KLF4: variants seen among roughly 807,000 people sequenced by gnomAD.
KLF4 encodes Krueppel-like factor 4.
In KLF4, 14 loss-of-function variants were observed where a neutral mutation model predicts 38.0. That is an observed-to-expected ratio of 0.37 (90% CI 0.24 to 0.58). The LOEUF is 0.58. KLF4 is among the 20% of genes least tolerant of loss of function. The pLI, the probability that KLF4 is intolerant of heterozygous loss-of-function variation, is 0.76. For missense variants in KLF4, 737 were observed against 670.1 expected (o/e 1.10, Z -1.10); for synonymous variants, 398 against 302.5 (o/e 1.32, Z -3.28).
chr9:107,486,787 T>TCC (rs2133186762), intron 4 of KLF4, among the ~76,000 whole-genome samples: 1 of 152,122 alleles, frequency 6.6e-6, no homozygotes, highest in South Asian at 2.1e-4. Flanking sequence ...ACAGATACCA[T>TCC]CCATCAAGCA....
chr9:107,486,375 C>T (rs1440925097), intron 4 of KLF4, among the ~76,000 whole-genome samples: 1 of 151,918 alleles, frequency 6.6e-6, no homozygotes, highest in Non-Finnish European at 1.5e-5. Flanking sequence ...TTACTGAATG[C>T]TGCACCTAAA....
In KLF4 at chr9:107,489,149, C is replaced by T. The variant is rs572896592; in HGVS notation, c.5+19G>A. ...GGTCCTCACCCCTCCCTGCTCCCAGCGCCGCGCGCCTCACCTACCTCATTA... is the reference window on the plus strand; with the variant it reads ...GGTCCTCACCCCTCCCTGCTCCCAGTGCCGCGCGCCTCACCTACCTCATTA... On this transcript the variant is annotated intron_variant, in intron 1 of 4. Coordinates refer to ENST00000374672, the MANE Select transcript of KLF4 (RefSeq NM_004235.6). 6 of 1,533,786 alleles carry T rather than the reference C, an allele frequency of 3.9e-6. No homozygotes were observed. The Admixed American group carries it at 1.0e-4, about 26-fold the overall frequency.
chr9:107,487,218 C>T lies in KLF4; in HGVS notation c.1100-26G>A, dbSNP rs1388280942. Reference sequence around the variant, plus strand: ...CTAGGGGTGAAGAAGGTGGGGTGAGCATCATCCCGTGTGTCCCGAAGTGGG... The same window carrying T: ...CTAGGGGTGAAGAAGGTGGGGTGAGTATCATCCCGTGTGTCCCGAAGTGGG... On this transcript the variant is annotated intron_variant, in intron 3 of 4. Transcript: ENST00000374672. This position sits in a 1 kb window ranked among gnomAD's most constrained non-coding sequence, Gnocchi z 6.1. 1.2e-6 allele frequency: 2 copies of T among 1,611,266 alleles called. No individual in the cohort carries two copies. The highest frequency in any genetic ancestry group is 2.2e-5 in the South Asian group (2 of 90,614).
Position 107,487,435 on chromosome 9 carries a change from C to G in KLF4, c.959G>C (p.Gly320Ala), listed in dbSNP as rs1251157964. Reference protein sequence around the residue: ...QLPSRTTPTLGLEEVLSSRDC... With the variant: ...QLPSRTTPTLALEEVLSSRDC... ...CCTGCTGCTCAGCACTTCCTCAAGA[C>G]CCAGGGTCGGGGTAGTCCTGCTGGG... is the stretch of plus-strand genomic sequence containing the variant. Residue 320 changes from glycine (G) to alanine (A), a missense_variant, in exon 3 of 5, where the codon GGT (glycine) becomes GCT (alanine). By Grantham distance (60) the Gly-to-Ala change is moderately conservative. This residue lies in a region of KLF4 where 695 missense variants were observed against 554.5 expected (regional missense o/e 1.25). Transcript: ENST00000374672. This position sits in a 1 kb window ranked among gnomAD's most constrained non-coding sequence, Gnocchi z 6.1. 2 of 1,521,858 alleles carry G rather than the reference C, an allele frequency of 1.3e-6. No individual in the cohort carries two copies. The highest frequency in any genetic ancestry group is 1.8e-6 in the Non-Finnish European group (2 of 1,136,912). 94.3% of individuals were successfully genotyped at this position (1,521,858 alleles called of 1,614,324 possible).
In KLF4 at chr9:107,487,932, G is replaced by A. The variant is rs775312508; in HGVS notation, c.462C>T (p.Ile154=). The A allele has an allele frequency of 1.9e-6, 3 of 1,579,278 alleles. No individual in the cohort carries two copies. The highest frequency in any genetic ancestry group is 2.6e-6 in the Non-Finnish European group (3 of 1,163,250). ...CCACGCCCGGGTCGTTCCCGGCCCG[G>A]ATCGGATAGGTGAAGCTGCAGGTGG... ...APSTCSFTYP[I]RAGNDPGVAP... is the part of the protein sequence containing the mutation. Residue 154 remains isoleucine (I), a synonymous_variant, in exon 3 of 5, where the codon ATC becomes ATT. Coordinates refer to ENST00000374672, the MANE Select transcript of KLF4 (RefSeq NM_004235.6). This position sits in a 1 kb window ranked among gnomAD's most constrained non-coding sequence, Gnocchi z 6.1.
In KLF4 at chr9:107,487,446, G is replaced by C. The variant is rs776656478; in HGVS notation, c.948C>G (p.Thr316=). Residue 316 remains threonine, a synonymous_variant, in exon 3 of 5, where the codon ACC becomes ACG. Coordinates refer to ENST00000374672, the MANE Select transcript of KLF4 (RefSeq NM_004235.6). The surrounding 1 kb of genome is among the most constrained non-coding windows in gnomAD (Gnocchi z 6.1). ...GCACTTCCTCAAGACCCAGGGTCGG[G>C]GTAGTCCTGCTGGGGAGCTGCCGCC... ...PLGRQLPSRT[T]PTLGLEEVLS... 6.5e-7 allele frequency: 1 copy of C among 1,530,266 alleles called. No individual in the cohort carries two copies. The highest frequency in any genetic ancestry group is 8.8e-7 in the Non-Finnish European group (1 of 1,140,984). The allele number at this position is 1,530,266 out of a possible 1,614,324, so 94.8% of individuals were successfully genotyped here. A position where few individuals can be genotyped will look rare whatever the true frequency, so the allele number is the denominator to read the frequency against.
chr9:107,488,365 G>T lies in KLF4; in HGVS notation c.127-98C>A. 1 of 1,444,742 alleles carries T rather than the reference G, an allele frequency of 6.9e-7. No homozygotes were observed. The highest frequency in any genetic ancestry group is 1.5e-5 in the South Asian group (1 of 68,342). The allele number at this position is 1,444,742 out of a possible 1,614,324, so 89.5% of individuals were successfully genotyped here. On this transcript the variant is annotated intron_variant, in intron 2 of 4. Coordinates refer to ENST00000374672, the MANE Select transcript of KLF4 (RefSeq NM_004235.6). This position sits in a 1 kb window ranked among gnomAD's most constrained non-coding sequence, Gnocchi z 5.7. ...GGGCCACGCGCGACTGCACCGCCCAGACATGGGGACTGGTCAGGCAGGAAG... is the reference window on the plus strand; with the variant it reads ...GGGCCACGCGCGACTGCACCGCCCATACATGGGGACTGGTCAGGCAGGAAG...
rs1829148143 is a variant in KLF4 at position 107,489,254 on chromosome 9, A to C, written c.-82T>G. On this transcript the variant is annotated 5_prime_UTR_variant, in exon 1 of 5. Transcript: ENST00000374672. Reference sequence around the variant, plus strand: ...CCAAAGTCAACGAAGAGAAGAAACGAAGCCAAAACCCAAAACCCCAAATTG... The same window carrying C: ...CCAAAGTCAACGAAGAGAAGAAACGCAGCCAAAACCCAAAACCCCAAATTG... The C allele has an allele frequency of 1.4e-6, 2 of 1,422,794 alleles. No individual in the cohort carries two copies. Among genetic ancestry groups the C allele is most frequent in the Admixed American group, 6.0e-5 (2 of 33,128 alleles). 88.1% of individuals were successfully genotyped at this position (1,422,794 alleles called of 1,614,324 possible). A position where few individuals can be genotyped will look rare whatever the true frequency, so the allele number is the denominator to read the frequency against.
In KLF4 at chr9:107,488,815, G is replaced by A. The variant is rs909303951; in HGVS notation, c.126+115C>T. 5 of 1,383,202 alleles carry A rather than the reference G, an allele frequency of 3.6e-6. No homozygotes were observed. The highest frequency in any genetic ancestry group is 1.5e-5 in the African/African-American group (1 of 68,948). 85.7% of individuals were successfully genotyped at this position (1,383,202 alleles called of 1,614,324 possible). ...CCCGGGAAGGTTGCGGAGTCCGCGC[G>A]GTGGCCGCTCCTTACCCTCGTTCAG... On this transcript the variant is annotated intron_variant, in intron 2 of 4. Coordinates refer to ENST00000374672, the MANE Select transcript of KLF4 (RefSeq NM_004235.6). This position sits in a 1 kb window ranked among gnomAD's most constrained non-coding sequence, Gnocchi z 5.7.
rs1587920530 is a variant in KLF4, at chr9:107,486,813, G to A, written c.1264+215C>T. Among the ~76,000 whole-genome samples the A allele has an allele frequency of 2.0e-5, 3 of 152,100 alleles. No individual in the cohort carries two copies. In the South Asian group the frequency reaches 6.2e-4, roughly 31 times the overall value. On this transcript the variant is annotated intron_variant, in intron 4 of 4. Transcript: ENST00000374672. ...CCATCAAGCAAAAGGCTCCTGGGCA[G>A]AAAAGTAGGCGCCGGTTTGCTGTTC...
chr9:107,489,201 A>G lies in KLF4; in HGVS notation c.-29T>C, dbSNP rs772551408. On this transcript the variant is annotated 5_prime_UTR_variant, in exon 1 of 5. Transcript: ENST00000374672. The stretch of plus-strand genomic sequence containing the variant: ...TGTGGGGGCCCAGAAGGTCCTCGGC[A>G]GCCCGAAGCAGCTGGGGCACCTGAA... The G allele has an allele frequency of 1.4e-6, 2 of 1,470,064 alleles. No individual in the cohort carries two copies. The highest frequency in any genetic ancestry group is 1.8e-6 in the Non-Finnish European group (2 of 1,107,870). 91.1% of individuals were successfully genotyped at this position (1,470,064 alleles called of 1,614,324 possible).
Position 107,487,772 on chromosome 9 carries a change from A to C in KLF4, c.622T>G (p.Leu208Val), listed in dbSNP as rs1453190301. The change falls in exon 3 of 5, where the codon TTG (leucine) becomes GTG (valine). Residue 208 changes from leucine to valine, a missense_variant. Physicochemically the swap from Leu to Val is conservative, Grantham distance 32. This residue lies in a region of KLF4 where 695 missense variants were observed against 554.5 expected (regional missense o/e 1.25). Transcript: ENST00000374672. This position sits in a 1 kb window ranked among gnomAD's most constrained non-coding sequence, Gnocchi z 6.1. ...TGCGGCGGAATGTACACCGGGTCCA[A>C]TTCTGGCCGCAGGAGCTCGGCCACG... is the stretch of plus-strand genomic sequence containing the variant. ...GFVAELLRPE[L>V]DPVYIPPQQP... 6.4e-7 allele frequency: 1 copy of C among 1,553,798 alleles called. No homozygotes were observed. Among genetic ancestry groups the C allele is most frequent in the East Asian group, 2.4e-5 (1 of 41,558 alleles).
chr9:107,489,179 G>T lies in KLF4; in HGVS notation c.-7C>A, dbSNP rs1456338045. The T allele has an allele frequency of 3.3e-6, 5 of 1,513,092 alleles. No individual in the cohort carries two copies. The highest frequency in any genetic ancestry group is 2.5e-5 in the East Asian group (1 of 40,498). 93.7% of individuals were successfully genotyped at this position (1,513,092 alleles called of 1,614,324 possible). On this transcript the variant is annotated 5_prime_UTR_variant, in exon 1 of 5. Transcript: ENST00000374672. ...CGCGCCTCACCTACCTCATTAATGT[G>T]GGGGCCCAGAAGGTCCTCGGCAGCC...
rs988046086 is a variant in KLF4, at chr9:107,485,677, C to G, written c.*74G>C. On this transcript the variant is annotated 3_prime_UTR_variant, in exon 5 of 5. Coordinates refer to ENST00000374672, the MANE Select transcript of KLF4 (RefSeq NM_004235.6). This position sits in a 1 kb window ranked among gnomAD's most constrained non-coding sequence, Gnocchi z 4.9. ...TTTCTGGCTGGGCTCCTTCCCTCATCGGGAAGACAGTGTGAAAAGTAAAAA... is the reference window on the plus strand; with the variant it reads ...TTTCTGGCTGGGCTCCTTCCCTCATGGGGAAGACAGTGTGAAAAGTAAAAA... 1 of 1,391,866 alleles carries G rather than the reference C, an allele frequency of 7.2e-7. No homozygotes were observed. Among genetic ancestry groups the G allele is most frequent in the African/African-American group, 1.5e-5 (1 of 67,450 alleles). 86.2% of individuals were successfully genotyped at this position (1,391,866 alleles called of 1,614,324 possible).
In KLF4 at chr9:107,485,978, C is replaced by T. The variant is rs761320946; in HGVS notation, c.1265-52G>A. On this transcript the variant is annotated intron_variant, in intron 4 of 4. Coordinates refer to ENST00000374672, the MANE Select transcript of KLF4 (RefSeq NM_004235.6). This position sits in a 1 kb window ranked among gnomAD's most constrained non-coding sequence, Gnocchi z 4.9. ...TGACGCTATTGCTATATCAAAGAAT[C>T]GCCCCTTTTAAAAACTGAAGGCCAG... 2.6e-6 allele frequency: 4 copies of T among 1,551,448 alleles called. No individual in the cohort carries two copies. Among genetic ancestry groups the T allele is most frequent in the Admixed American group, 2.0e-5 (1 of 48,908 alleles).
At position 107,487,791 on chromosome 9, in the gene KLF4, G is replaced by C. The variant is rs1048578379; in HGVS notation, c.603C>G (p.Ala201=). The change falls in exon 3 of 5, where the codon GCC becomes GCG. Residue 201 remains alanine, a synonymous_variant. Coordinates refer to ENST00000374672, the MANE Select transcript of KLF4 (RefSeq NM_004235.6). This position sits in a 1 kb window ranked among gnomAD's most constrained non-coding sequence, Gnocchi z 6.1. ...GGTCCAATTCTGGCCGCAGGAGCTCGGCCACGAAGCCGCCCGAGGGGCTCA... is the reference window on the plus strand; with the variant it reads ...GGTCCAATTCTGGCCGCAGGAGCTCCGCCACGAAGCCGCCCGAGGGGCTCA... ...NDVSPSGGFV[A]ELLRPELDPV... The C allele has an allele frequency of 3.9e-6, 6 of 1,541,970 alleles. No homozygotes were observed. Among genetic ancestry groups the C allele is most frequent in the Non-Finnish European group, 5.3e-6 (6 of 1,141,836 alleles).
Position 107,487,914 on chromosome 9 carries a change from C to G in KLF4, c.480G>C (p.Pro160=). 6.4e-7 allele frequency: 1 copy of G among 1,572,144 alleles called. No homozygotes were observed. The highest frequency in any genetic ancestry group is 8.6e-7 in the Non-Finnish European group (1 of 1,159,206). ...CGCCCGTGCCGCCCGGCGCCACGCC[C>G]GGGTCGTTCCCGGCCCGGATCGGAT... ...FTYPIRAGND[P]GVAPGGTGGG... Residue 160 remains proline, a synonymous_variant, in exon 3 of 5, where the codon CCG becomes CCC. Transcript: ENST00000374672. The surrounding 1 kb of genome is among the most constrained non-coding windows in gnomAD (Gnocchi z 6.1).
chr9:107,488,952 C>T lies in KLF4; in HGVS notation c.104G>A (p.Arg35His). 6.4e-7 allele frequency: 1 copy of T among 1,560,590 alleles called. No individual in the cohort carries two copies. The highest frequency in any genetic ancestry group is 1.2e-5 in the South Asian group (1 of 84,682). Reference protein sequence around the residue: ...SGPAGREKTLRQAGAPNNRWR... With the variant: ...SGPAGREKTLHQAGAPNNRWR... Reference sequence around the variant, plus strand: ...CACGTTATTCGGGGCACCTGCTTGACGCAGTGTCTTCTCCCTTCCCGCCGG... The same window carrying T: ...CACGTTATTCGGGGCACCTGCTTGATGCAGTGTCTTCTCCCTTCCCGCCGG... Residue 35 changes from arginine (R) to histidine (H), a missense_variant, in exon 2 of 5, where the codon CGT (arginine) becomes CAT (histidine). Arg to His is a conservative substitution (Grantham distance 29). This residue lies in a region of KLF4 where 695 missense variants were observed against 554.5 expected (regional missense o/e 1.25). Transcript: ENST00000374672. This position sits in a 1 kb window ranked among gnomAD's most constrained non-coding sequence, Gnocchi z 5.7.
intron 4 of KLF4, among the ~76,000 whole-genome samples, chr9:107,486,423 T>TC (rs1829064380): frequency 6.6e-6 from 1 of 151,934 alleles, no homozygotes; most frequent in Non-Finnish European, 1.5e-5. Flanking sequence ...ATGGAAATGC[T>TC]CTGCAGTGAC....
Sources: allele counts gnomAD v4.1 joint callset (sites outside exome capture counted in the v4.1 genomes callset), GRCh38; gene constraint gnomAD v4.1.1; regional missense constraint gnomAD v4.1.1; non-coding constraint Gnocchi (gnomAD v3.1); transcripts MANE v1.5; gene names NCBI Gene and HGNC (gene_info 2026-07-23, HGNC 2026-07-21).